The following PBX1 variants were observed in gnomAD, a reference collection of about 807,000 sequenced individuals.
PBX1 encodes pre-B-cell leukemia transcription factor 1.
Under a neutral mutation model 53.4 loss-of-function variants are expected in PBX1, and 6 were observed. The observed-to-expected ratio is 0.11, with a 90% CI of 0.06 to 0.22. PBX1 has a LOEUF of 0.22. Ranked by LOEUF, PBX1 falls within the 10% of genes least tolerant of loss-of-function variation. PBX1 has a pLI of 1.00. For missense variants in PBX1, 251 were observed against 551.4 expected (o/e 0.46, Z 5.46); for synonymous variants, 204 against 212.3 (o/e 0.96, Z 0.34).
At chr1:164,703,753 C>T (rs1663267616) in intron 2 of PBX1, among the ~76,000 whole-genome samples, 1 of 152,174 alleles carries the variant, frequency 6.6e-6, no homozygotes, top group Non-Finnish European at 1.5e-5. Context: ...CAGAGATGTT[C>T]TCAGATCTAA....
chr1:164,668,905 A>AT (rs1660965481), intron 2 of PBX1, among the ~76,000 whole-genome samples: 1 of 152,194 alleles, frequency 6.6e-6, no homozygotes, highest in Non-Finnish European at 1.5e-5. Flanking sequence ...AATAATGGGA[A>AT]TTTCATTTCG....
chr1:164,640,852 C>T (rs1435278688), intron 2 of PBX1, among the ~76,000 whole-genome samples: 2 of 152,272 alleles, frequency 1.3e-5, no homozygotes, highest in South Asian at 2.1e-4. Flanking sequence ...GCCACTGCAG[C>T]GGCCGGTTCC....
chr1:164,855,574 C>T (rs555299721), downstream of PBX1, among the ~76,000 whole-genome samples: 2 of 152,204 alleles, frequency 1.3e-5, no homozygotes, highest in Non-Finnish European at 2.9e-5. Context: ...CAGACTCCTA[C>T]AGCACAATTA....
At chr1:164,720,641 A>G (rs1354062082) in intron 2 of PBX1, among the ~76,000 whole-genome samples, 1 of 152,166 alleles carries the variant, frequency 6.6e-6, no homozygotes, top group Non-Finnish European at 1.5e-5. Flanking sequence ...GCTGACATAA[A>G]CAGAAGCCCC....
chr1:164,564,622 T>C (rs201087651), intron 2 of PBX1, among the ~76,000 whole-genome samples: 1 of 152,192 alleles, frequency 6.6e-6, no homozygotes, highest in East Asian at 1.9e-4. Flanking sequence ...TGTTCAGACC[T>C]CTAAGTCTTC....
chr1:164,772,705 C>G (rs1463632721), intron 2 of PBX1, among the ~76,000 whole-genome samples: 1 of 152,204 alleles, frequency 6.6e-6, no homozygotes, highest in Non-Finnish European at 1.5e-5. Context: ...CGTGCTTTTT[C>G]AGGCAGAGAT....
chr1:164,667,970 C>G (rs1245735079), intron 2 of PBX1, among the ~76,000 whole-genome samples: 1 of 152,166 alleles, frequency 6.6e-6, no homozygotes, highest in Non-Finnish European at 1.5e-5. Context: ...ATGGCTGCCC[C>G]CTTCTCCCAC....
At chr1:164,884,450 A>C (rs750981439) in intron 2 of PBX1, 1 of 379,296 alleles carries the variant, frequency 2.6e-6, no homozygotes, top group Non-Finnish European at 5.2e-6. Flanking sequence ...GAAATCGGTC[A>C]ATTTGACTCT....
intron 2 of PBX1, among the ~76,000 whole-genome samples, chr1:164,871,763 A>T (rs1422117432): frequency 3.3e-5 from 5 of 152,156 alleles, no homozygotes; most frequent in African/African-American, 1.2e-4. Context: ...ATTGTTTGTC[A>T]TCGAGGCCCC....
chr1:164,670,224 A>G (rs775979552), intron 2 of PBX1, among the ~76,000 whole-genome samples: 2 of 152,162 alleles, frequency 1.3e-5, no homozygotes, highest in African/African-American at 4.8e-5. Context: ...GGACCTCTCT[A>G]AGAGCTGATG....
intron 2 of PBX1, chr1:164,884,547 T>C: frequency 2.0e-6 from 1 of 511,752 alleles, no homozygotes; most frequent in Non-Finnish European, 3.8e-6. Flanking sequence ...ACCAGGAAAT[T>C]GCAAGAACCT....
chr1:164,846,246 T>A (rs1047325351), intron 8 of PBX1, among the ~76,000 whole-genome samples: 9 of 152,208 alleles, frequency 5.9e-5, no homozygotes, highest in Admixed American at 1.3e-4. Context: ...TAGCTAGTTG[T>A]TGCCAGAGCC....
intron 5 of PBX1, 95 bp from the exon 6 acceptor site, chr1:164,811,895 A>C: frequency 1.1e-6 from 1 of 924,874 alleles, no homozygotes; most frequent in Non-Finnish European, 1.6e-6. Flanking sequence ...CAATTAGCTT[A>C]CCTCTTCACC....
intron 2 of PBX1, among the ~76,000 whole-genome samples, chr1:164,715,014 ATTT>A (rs11361136): frequency 6.8e-6 from 1 of 147,830 alleles, no homozygotes; most frequent in African/African-American, 2.5e-5. Context: ...TTCCCCATTG[ATTT>A]TTTTTTTTTT....
At chr1:164,626,690 A>G (rs1355192297) in intron 2 of PBX1, among the ~76,000 whole-genome samples, 2 of 152,208 alleles carry the variant, frequency 1.3e-5, no homozygotes, top group Non-Finnish European at 2.9e-5. Context: ...TGGAGTGTAG[A>G]GAATGGGCAA....
chr1:164,593,706 C>A (rs1440381804), intron 2 of PBX1, among the ~76,000 whole-genome samples: 1 of 152,230 alleles, frequency 6.6e-6, no homozygotes, highest in East Asian at 1.9e-4. Context: ...TTAGTTTTCA[C>A]TGGGTTGAAA....
At chr1:164,741,651 C>T (rs1275894204) in intron 2 of PBX1, among the ~76,000 whole-genome samples, 1 of 151,868 alleles carries the variant, frequency 6.6e-6, no homozygotes, top group African/African-American at 2.4e-5. Flanking sequence ...TAATAAGTCC[C>T]CTGGCCATCA....
intron 4 of PBX1, among the ~76,000 whole-genome samples, chr1:164,801,450 G>GA (rs1190359009): frequency 0.013 from 1,450 of 108,896 alleles, 12 homozygotes; most frequent in African/African-American, 0.023. Flanking sequence ...GGCAGATATT[G>GA]AAAAAAAAAA....
At chr1:164,796,444 C>A (rs1668792225) in intron 3 of PBX1, among the ~76,000 whole-genome samples, 2 of 152,062 alleles carry the variant, frequency 1.3e-5, no homozygotes, top group South Asian at 2.1e-4. Flanking sequence ...GTAAATAATG[C>A]TGTTGGGGAA....
Sources: allele counts gnomAD v4.1 joint callset (sites outside exome capture counted in the v4.1 genomes callset), GRCh38; gene constraint gnomAD v4.1.1; transcripts MANE v1.5; gene names NCBI Gene and HGNC (gene_info 2026-07-23, HGNC 2026-07-21).